Variants in TENM2 observed in about 807,000 individuals in gnomAD.
TENM2 encodes teneurin-2.
TENM2 carries 52 observed loss-of-function variants against 245.2 expected under a neutral mutation model. The observed-to-expected ratio is 0.21, with a 90% CI of 0.17 to 0.27. TENM2 has a LOEUF of 0.27. Among genes scored for constraint, TENM2 ranks in the 10% least tolerant of loss-of-function variants. The pLI is 1.00. For synonymous variants in TENM2, 1,363 were observed against 1,438.9 expected, an observed-to-expected ratio of 0.95 and a Z score of 1.19; for missense variants, 3,046 against 3,666.8, an observed-to-expected ratio of 0.83 and a Z score of 4.37.
chr5:167,646,177 CATATATATAT>C (rs57273762), intron 2 of TENM2, among the ~76,000 whole-genome samples: 1 of 84,162 alleles, frequency 1.2e-5, no homozygotes, highest in African/African-American at 4.7e-5. Context: ...ATGTTGTTTT[CATATATATAT>C]ATATGTTGTT....
At chr5:167,875,889 T>G (rs1469152149) in intron 2 of TENM2, 97 bp from the exon 5 acceptor site, 1 of 750,936 alleles carries the variant, frequency 1.3e-6, no homozygotes, top group Non-Finnish European at 2.1e-6. Context: ...TTTTTTTTTT[T>G]TAATATTTAT....
At position 167,469,647 on chromosome 5, in the gene TENM2, T is replaced by C. The variant is rs549212622; in HGVS notation, c.502+94174T>C. ...CAAATCATTTCTGCAGTTACTTTTC[T>C]GATTGCAATTTAGGATTTTATTTAA... On this transcript the variant is annotated intron_variant, in intron 2 of 28. Coordinates refer to ENST00000518659, the Ensembl canonical transcript of TENM2. Among the ~76,000 whole-genome samples, 14 of 152,304 alleles carry C rather than the reference T, an allele frequency of 9.2e-5. No homozygotes were observed. In the South Asian group the frequency reaches 2.7e-3, roughly 29 times the overall value.
the TENM2 span, among the ~76,000 whole-genome samples, chr5:167,114,938 C>T: frequency 1.3e-5 from 2 of 152,200 alleles, no homozygotes; most frequent in Non-Finnish European, 2.9e-5. Context: ...CTTAGCAATG[C>T]TTTCTCTGTT....
In TENM2 at chr5:167,365,655, A is replaced by G. The variant is rs180956200; in HGVS notation, c.227-9543A>G. 2.3e-3 allele frequency among the ~76,000 whole-genome samples: 344 copies of G among 152,064 alleles called. 5 individuals are homozygous for G. Among genetic ancestry groups the G allele is most frequent in the African/African-American group, 8.0e-3 (333 of 41,530 alleles). ...CTGTAAAACACAATTAATATTAGAA[A>G]GCATATATTACCTCAGAAGTCTTTA... On this transcript the variant is annotated intron_variant, in intron 1 of 28. Coordinates refer to ENST00000518659, the Ensembl canonical transcript of TENM2.
chr5:167,767,012 G>T (rs528895374), intron 2 of TENM2, among the ~76,000 whole-genome samples: 1 of 152,100 alleles, frequency 6.6e-6, no homozygotes, highest in African/African-American at 2.4e-5. Context: ...AACATTAAAC[G>T]TACAATTACC....
At chr5:168,192,805 A>G (rs1761075451) in intron 14 of TENM2, among the ~76,000 whole-genome samples, 1 of 152,198 alleles carries the variant, frequency 6.6e-6, no homozygotes, top group Admixed American at 6.5e-5. Context: ...ACTGGGCCAT[A>G]AGCATTTCAG....
At chr5:167,305,426 AAC>A (rs1396800721) in intron 1 of TENM2, among the ~76,000 whole-genome samples, 4 of 152,214 alleles carry the variant, frequency 2.6e-5, no homozygotes, top group African/African-American at 7.2e-5. Context: ...CAGTAATAAT[AAC>A]ACATGCTATA....
At chr5:167,209,489 C>T in the TENM2 span, among the ~76,000 whole-genome samples, 1 of 152,020 alleles carries the variant, frequency 6.6e-6, no homozygotes, top group African/African-American at 2.4e-5. Flanking sequence ...ATCTCGAACT[C>T]CTGACTTCAA....
the TENM2 span, among the ~76,000 whole-genome samples, chr5:167,058,908 C>G: frequency 1.3e-5 from 2 of 152,200 alleles, no homozygotes; most frequent in African/African-American, 4.8e-5. Flanking sequence ...AGCAAACTCA[C>G]TTGGGATCTA....
At chr5:168,061,467 A>G (rs1276268350) in intron 6 of TENM2, among the ~76,000 whole-genome samples, 1 of 152,220 alleles carries the variant, frequency 6.6e-6, no homozygotes. Context: ...TATTTTCAAC[A>G]TAAGCAATTT....
intron 1 of TENM2, among the ~76,000 whole-genome samples, chr5:167,322,637 G>A (rs1355291547): frequency 6.6e-6 from 1 of 151,880 alleles, no homozygotes; most frequent in Non-Finnish European, 1.5e-5. Context: ...TTCCTTAAAG[G>A]TGAAAATAAA....
chr5:167,035,074 A>G, the TENM2 span, among the ~76,000 whole-genome samples: 1 of 152,198 alleles, frequency 6.6e-6, no homozygotes, highest in South Asian at 2.1e-4. Context: ...TTGAAATCAA[A>G]TAACAATTTA....
intron 2 of TENM2, among the ~76,000 whole-genome samples, chr5:167,389,220 A>G (rs66870020): frequency 2.0e-5 from 3 of 149,122 alleles, no homozygotes; most frequent in Admixed American, 6.7e-5. Context: ...TATGCAAAGC[A>G]TATGTGCGTA....
intron 2 of TENM2, among the ~76,000 whole-genome samples, chr5:167,593,573 A>T (rs1355461526): frequency 1.3e-5 from 2 of 152,256 alleles, no homozygotes; most frequent in Non-Finnish European, 2.9e-5. Flanking sequence ...ATCTGTGTCC[A>T]TTGCTCTAGG....
the TENM2 span, among the ~76,000 whole-genome samples, chr5:167,235,704 C>T: frequency 6.6e-6 from 1 of 152,114 alleles, no homozygotes; most frequent in African/African-American, 2.4e-5. Context: ...AGCCCATGGG[C>T]AACTCCAGCA....
chr5:167,220,575 A>G, the TENM2 span, among the ~76,000 whole-genome samples: 6 of 152,292 alleles, frequency 3.9e-5, no homozygotes, highest in East Asian at 3.9e-4. Flanking sequence ...AGGGGCACCT[A>G]TGTTCTTAAA....
chr5:167,910,868 CATA>C (rs763943491), intron 3 of TENM2, among the ~76,000 whole-genome samples: 42 of 152,154 alleles, frequency 2.8e-4, no homozygotes, highest in Non-Finnish European at 4.9e-4. Context: ...CAGTTAAATT[CATA>C]AGAGCAAGAA....
Position 168,090,095 on chromosome 5 carries a change from A to AG in TENM2, c.1516-477dup, listed in dbSNP as rs1352963856. Among the ~76,000 whole-genome samples the AG allele has an allele frequency of 2.6e-5, 4 of 152,232 alleles. No individual in the cohort carries two copies. In the East Asian group the frequency reaches 7.7e-4, roughly 29 times the overall value. ...TCATAATTCCTTATCTGAAACTCTC[A>AG]GGAAACCAATTACATTTTGGAATTC... On this transcript the variant is annotated intron_variant, in intron 7 of 28. Transcript: ENST00000518659.
chr5:167,236,651 C>G, the TENM2 span, among the ~76,000 whole-genome samples: 1 of 152,218 alleles, frequency 6.6e-6, no homozygotes, highest in South Asian at 2.1e-4. Flanking sequence ...CAGGGAAGGC[C>G]GCAGGAGGGC....
Sources: allele counts gnomAD v4.1 joint callset (sites outside exome capture counted in the v4.1 genomes callset), GRCh38; gene constraint gnomAD v4.1.1; transcripts MANE v1.5; gene names NCBI Gene and HGNC (gene_info 2026-07-23, HGNC 2026-07-21).